Variants in WWOX observed in about 807,000 individuals in gnomAD.
WWOX encodes the protein WW domain containing oxidoreductase, also known as WW domain-containing oxidoreductase.
In WWOX, 69 loss-of-function variants were observed where a neutral mutation model predicts 46.2. The ratio of observed to expected loss-of-function variants is 1.49; its 90% confidence interval spans 1.23 to 1.82. The LOEUF (loss-of-function observed/expected upper bound fraction) is 1.82. Ranked by LOEUF, WWOX falls within the 40% of genes most tolerant of loss-of-function variation. The probability of loss-of-function intolerance (pLI) is 0.00; values close to 1 mark genes in which losing one functional copy is unlikely to be tolerated. For missense variants in WWOX, 919 were observed against 542.6 expected (o/e 1.69, Z -6.89); for synonymous variants, 359 against 202.6 (o/e 1.77, Z -6.56).
intron 8 of WWOX, among the ~76,000 whole-genome samples, chr16:78,881,766 G>A (rs1463508236): frequency 6.6e-6 from 1 of 152,158 alleles, no homozygotes. Context: ...CGCCAAAATG[G>A]TTCTTCTGCT....
intron 8 of WWOX, among the ~76,000 whole-genome samples, chr16:78,982,334 T>G (rs2046699175): frequency 6.6e-6 from 1 of 152,176 alleles, no homozygotes; most frequent in Non-Finnish European, 1.5e-5. Context: ...AAATACCTCC[T>G]CTTCACTAAA....
In WWOX at chr16:78,562,274, C is replaced by G. The variant is rs543798571; in HGVS notation, c.1056+129522C>G. ...CTGCCTCTAGCTCTCACACTGCATG[C>G]AGAATTCCTACTCTGAGAGCTCACT... On this transcript the variant is annotated intron_variant, in intron 8 of 8. Transcript: ENST00000566780. Among the ~76,000 whole-genome samples, 121 of 152,328 alleles carry G rather than the reference C, an allele frequency of 7.9e-4. 1 individual carries two copies. The South Asian group carries it at 0.025, about 32-fold the overall frequency.
At chr16:78,826,186 C>T (rs1044979481) in intron 8 of WWOX, among the ~76,000 whole-genome samples, 37 of 152,198 alleles carry the variant, frequency 2.4e-4, no homozygotes, top group Admixed American at 6.5e-5. Context: ...GAAACCCTGT[C>T]TCTACTAAAA....
intron 6 of WWOX, among the ~76,000 whole-genome samples, chr16:78,393,384 G>A (rs534463639): frequency 7.9e-5 from 12 of 152,290 alleles, no homozygotes; most frequent in East Asian, 5.8e-4. Flanking sequence ...ATGGCTGGGC[G>A]CAATGGTTCA....
intron 8 of WWOX, among the ~76,000 whole-genome samples, chr16:78,843,832 C>G (rs761612722): frequency 6.6e-6 from 1 of 152,160 alleles, no homozygotes; most frequent in Non-Finnish European, 1.5e-5. Context: ...AGCACAATCC[C>G]TATTTTTAGA....
At chr16:78,610,768 ATAT>A (rs1224856927) in intron 8 of WWOX, among the ~76,000 whole-genome samples, 1 of 152,106 alleles carries the variant, frequency 6.6e-6, no homozygotes, top group African/African-American at 2.4e-5. Flanking sequence ...CATGGCTCTG[ATAT>A]TATAAAATCT....
At chr16:78,990,365 G>A (rs913522961) in intron 8 of WWOX, among the ~76,000 whole-genome samples, 6 of 152,230 alleles carry the variant, frequency 3.9e-5, no homozygotes, top group South Asian at 2.1e-4. Flanking sequence ...GGCCCTGTCC[G>A]CAGCCTGAGG....
intron 5 of WWOX, among the ~76,000 whole-genome samples, chr16:78,265,055 C>T (rs1475987392): frequency 5.1e-5 from 7 of 138,194 alleles, no homozygotes; most frequent in Non-Finnish European, 3.0e-5. Flanking sequence ...GGTTGGAGTG[C>T]AGTGGCACGA....
intron 8 of WWOX, among the ~76,000 whole-genome samples, chr16:78,886,376 A>G (rs952209157): frequency 2.6e-5 from 4 of 151,674 alleles, no homozygotes; most frequent in African/African-American, 9.7e-5. Context: ...TATTAATTAT[A>G]TGAGAAATAA....
intron 8 of WWOX, among the ~76,000 whole-genome samples, chr16:79,023,657 C>T (rs949432583): frequency 6.6e-6 from 1 of 152,098 alleles, no homozygotes; most frequent in African/African-American, 2.4e-5. Flanking sequence ...TGGTGGCTTA[C>T]ACCTGTAATC....
intron 8 of WWOX, among the ~76,000 whole-genome samples, chr16:78,972,253 T>C (rs991001629): frequency 6.6e-6 from 1 of 152,086 alleles, no homozygotes; most frequent in Non-Finnish European, 1.5e-5. Flanking sequence ...TCATGTAATG[T>C]TGCTGTTTGT....
chr16:78,828,434 C>T (rs1037916322), intron 8 of WWOX, among the ~76,000 whole-genome samples: 13 of 152,118 alleles, frequency 8.5e-5, no homozygotes, highest in Admixed American at 6.6e-5. Flanking sequence ...CCATCGTCAC[C>T]ATCAGTGTTA....
chr16:78,455,265 G>A (rs1244788049), intron 8 of WWOX, among the ~76,000 whole-genome samples: 1 of 151,798 alleles, frequency 6.6e-6, no homozygotes, highest in African/African-American at 2.4e-5. Flanking sequence ...CTGTGGCTGG[G>A]CTGGGACAAG....
intron 6 of WWOX, 105 bp from the exon 7 acceptor site, chr16:78,424,765 T>TG: frequency 7.9e-7 from 1 of 1,260,550 alleles, no homozygotes; most frequent in South Asian, 1.2e-5. Flanking sequence ...GGATTATCCT[T>TG]GGTTGTAGTG....
chr16:78,616,229 T>TTA (rs1567438895), intron 8 of WWOX, among the ~76,000 whole-genome samples: 3 of 151,934 alleles, frequency 2.0e-5, no homozygotes, highest in African/African-American at 7.3e-5. Flanking sequence ...GTTTTTTTTT[T>TTA]AATTATATAA....
At chr16:78,478,597 C>T (rs977030059) in intron 8 of WWOX, among the ~76,000 whole-genome samples, 1 of 152,172 alleles carries the variant, frequency 6.6e-6, no homozygotes, top group African/African-American at 2.4e-5. Context: ...CCAAGGAAAG[C>T]CTTCCCACCT....
intron 8 of WWOX, among the ~76,000 whole-genome samples, chr16:78,831,989 T>C (rs1410056640): frequency 6.6e-6 from 1 of 152,170 alleles, no homozygotes. Context: ...ATCCACTAAC[T>C]CACTACCTAG....
At chr16:78,460,585 C>T (rs2083926098) in intron 8 of WWOX, among the ~76,000 whole-genome samples, 1 of 152,232 alleles carries the variant, frequency 6.6e-6, no homozygotes, top group African/African-American at 2.4e-5. Context: ...TTTTGCAGAA[C>T]ACTGGCCTGA....
chr16:78,844,249 C>G (rs1439866502), intron 8 of WWOX, among the ~76,000 whole-genome samples: 1 of 152,192 alleles, frequency 6.6e-6, no homozygotes, highest in East Asian at 1.9e-4. Context: ...GAGAGGCCCT[C>G]TAAACCCAGA....
Sources: gnomAD v4.1 joint callset for allele counts (sites outside exome capture counted in the v4.1 genomes callset) on GRCh38, gnomAD v4.1.1 for gene constraint, MANE v1.5 for transcripts, NCBI Gene and HGNC (gene_info 2026-07-23, HGNC 2026-07-21) for gene names.